TBC1D32: variants seen among roughly 807,000 people sequenced by gnomAD.
TBC1D32 encodes the protein protein broad-minded.
Under a neutral mutation model 170.3 loss-of-function variants are expected in TBC1D32, and 151 were observed. The observed-to-expected ratio is 0.89, with a 90% CI of 0.78 to 1.01. The LOEUF (loss-of-function observed/expected upper bound fraction) is 1.01. Among genes scored for constraint, TBC1D32 ranks in the 50% least tolerant of loss-of-function variants. The pLI, the probability that TBC1D32 is intolerant of heterozygous loss-of-function variation, is 0.00. For synonymous variants in TBC1D32, 498 were observed against 488.0 expected (o/e 1.02, Z -0.27); for missense variants, 1,464 against 1,457.1 (o/e 1.00, Z -0.08).
At chr6:121,154,517 C>T (rs1784628790) in intron 24 of TBC1D32, among the ~76,000 whole-genome samples, 1 of 152,114 alleles carries the variant, frequency 6.6e-6, no homozygotes. Flanking sequence ...GATATTAGCT[C>T]CCTACCTTAC....
At chr6:121,085,097 G>A (rs76488141) in intron 31 of TBC1D32, among the ~76,000 whole-genome samples, 200 of 151,280 alleles carry the variant, frequency 1.3e-3, no homozygotes, top group African/African-American at 4.6e-3. Flanking sequence ...TTGCATTAAT[G>A]TCAAATCTCA....
At chr6:121,159,296 T>C (rs1785303699) in intron 24 of TBC1D32, among the ~76,000 whole-genome samples, 1 of 152,226 alleles carries the variant, frequency 6.6e-6, no homozygotes, top group South Asian at 2.1e-4. Context: ...TAATCTTCAC[T>C]AATTTCAGTT....
At chr6:121,107,828 A>C (rs1778838929) in intron 29 of TBC1D32, among the ~76,000 whole-genome samples, 1 of 152,056 alleles carries the variant, frequency 6.6e-6, no homozygotes, top group African/African-American at 2.4e-5. Flanking sequence ...AGGCTACATT[A>C]GAAATACCTT....
At chr6:121,248,461 C>G (rs1316958955) in intron 17 of TBC1D32, among the ~76,000 whole-genome samples, 1 of 151,036 alleles carries the variant, frequency 6.6e-6, no homozygotes, top group African/African-American at 2.4e-5. Flanking sequence ...AAGATATAAC[C>G]AAGATCAGAG....
At chr6:121,270,932 C>T (rs1801318747) in intron 15 of TBC1D32, among the ~76,000 whole-genome samples, 1 of 152,108 alleles carries the variant, frequency 6.6e-6, no homozygotes, top group African/African-American at 2.4e-5. Context: ...TTGACTTCAT[C>T]CCTGGGATGC....
intron 22 of TBC1D32, among the ~76,000 whole-genome samples, chr6:121,197,696 ATTG>A (rs1412925692): frequency 6.6e-6 from 1 of 152,072 alleles, no homozygotes; most frequent in Non-Finnish European, 1.5e-5. Flanking sequence ...TGATCTTATT[ATTG>A]TCTTTATTTG....
At chr6:121,278,312 A>G (rs1802516321) in intron 15 of TBC1D32, among the ~76,000 whole-genome samples, 1 of 152,146 alleles carries the variant, frequency 6.6e-6, no homozygotes, top group Non-Finnish European at 1.5e-5. Flanking sequence ...ACAGACTGAT[A>G]TATCTCATGA....
At chr6:121,269,681 C>T (rs930197765) in intron 15 of TBC1D32, among the ~76,000 whole-genome samples, 3 of 152,138 alleles carry the variant, frequency 2.0e-5, no homozygotes, top group African/African-American at 7.2e-5. Flanking sequence ...TAACACCCCA[C>T]TGTCAACATT....
intron 31 of TBC1D32, among the ~76,000 whole-genome samples, chr6:121,087,416 A>C (rs1446234355): frequency 6.6e-6 from 1 of 152,174 alleles, no homozygotes; most frequent in Non-Finnish European, 1.5e-5. Flanking sequence ...CAATTACCTC[A>C]TTTAAAATCT....
At chr6:121,234,763 T>A (rs1796135098) in intron 20 of TBC1D32, among the ~76,000 whole-genome samples, 1 of 152,160 alleles carries the variant, frequency 6.6e-6, no homozygotes, top group South Asian at 2.1e-4. Flanking sequence ...TGAGCTGGTA[T>A]GATCATTTGG....
intron 24 of TBC1D32, among the ~76,000 whole-genome samples, chr6:121,149,014 T>A (rs1308163903): frequency 1.3e-5 from 2 of 151,552 alleles, no homozygotes; most frequent in African/African-American, 4.9e-5. Context: ...CCAGTGATGA[T>A]GAGCTATTTT....
intron 15 of TBC1D32, among the ~76,000 whole-genome samples, chr6:121,266,909 C>T (rs1379015322): frequency 2.6e-5 from 4 of 151,442 alleles, no homozygotes; most frequent in East Asian, 1.9e-4. Flanking sequence ...CAGGGCCTGT[C>T]GGTGGGGAAG....
intron 22 of TBC1D32, among the ~76,000 whole-genome samples, chr6:121,180,065 C>G (rs983827859): frequency 5.3e-5 from 8 of 151,988 alleles, no homozygotes; most frequent in Admixed American, 1.3e-4. Flanking sequence ...TAGAAAACTA[C>G]AAAATTTTAA....
chr6:121,182,446 T>C (rs1042425403), intron 22 of TBC1D32, among the ~76,000 whole-genome samples: 4 of 152,044 alleles, frequency 2.6e-5, no homozygotes, highest in Non-Finnish European at 5.9e-5. Flanking sequence ...TTCATGATTA[T>C]GTATAAAGAT....
intron 12 of TBC1D32, among the ~76,000 whole-genome samples, chr6:121,285,310 T>C (rs1176200514): frequency 1.3e-5 from 2 of 152,188 alleles, no homozygotes; most frequent in Admixed American, 6.6e-5. Context: ...AGTCCAGAGC[T>C]AACCAGTATA....
chr6:121,123,618 T>C (rs1163218110), intron 26 of TBC1D32, among the ~76,000 whole-genome samples: 1 of 152,076 alleles, frequency 6.6e-6, no homozygotes, highest in Non-Finnish European at 1.5e-5. Flanking sequence ...TTTCAGTCTA[T>C]GTGAGTCTTG....
At chr6:121,252,567 CA>C (rs1203605746) in intron 17 of TBC1D32, among the ~76,000 whole-genome samples, 2 of 152,018 alleles carry the variant, frequency 1.3e-5, no homozygotes, top group East Asian at 1.9e-4. Context: ...CAGGGCCTCT[CA>C]GGGGGTGGAG....
chr6:121,232,305 C>T (rs78379599), intron 20 of TBC1D32, among the ~76,000 whole-genome samples: 3,658 of 152,046 alleles, frequency 0.024, 162 homozygotes, highest in East Asian at 0.12. Context: ...ACCAGTACCA[C>T]GTCATTCTGT....
intron 22 of TBC1D32, among the ~76,000 whole-genome samples, chr6:121,172,996 T>C (rs191565717): frequency 2.0e-5 from 3 of 152,268 alleles, no homozygotes; most frequent in Admixed American, 6.5e-5. Context: ...ATGGTTAATA[T>C]TGAGTGTTAA....
Sources: gnomAD v4.1 joint callset for allele counts (sites outside exome capture counted in the v4.1 genomes callset) on GRCh38, gnomAD v4.1.1 for gene constraint, MANE v1.5 for transcripts, NCBI Gene and HGNC (gene_info 2026-07-23, HGNC 2026-07-21) for gene names.